The following ABCC4 variants were observed in gnomAD, a reference collection of about 807,000 sequenced individuals.
The protein encoded by ABCC4 is ATP binding cassette subfamily C member 4 (PEL blood group).
Under a neutral mutation model 168.5 loss-of-function variants are expected in ABCC4, and 102 were observed. The observed-to-expected ratio is 0.61, with a 90% confidence interval of 0.52 to 0.71. The LOEUF (loss-of-function observed/expected upper bound fraction) is 0.71, where lower values mean the gene tolerates loss of function less well. Among genes scored for constraint, ABCC4 ranks in the 30% least tolerant of loss-of-function variants. The probability of loss-of-function intolerance (pLI) is 0.00; values close to 1 mark genes in which losing one functional copy is unlikely to be tolerated. For synonymous variants in ABCC4, 617 were observed against 590.7 expected (o/e 1.04, Z -0.65); for missense variants, 1,402 against 1,605.8 (o/e 0.87, Z 2.17).
intron 1 of ABCC4, among the ~76,000 whole-genome samples, chr13:95,268,525 C>CT (rs1179040741): frequency 1.6e-5 from 1 of 62,536 alleles, no homozygotes; most frequent in Non-Finnish European, 2.8e-5. Context: ...CTGCTCGTCC[C>CT]TTGGCCCTTG....
intron 4 of ABCC4, among the ~76,000 whole-genome samples, chr13:95,232,131 G>A (rs9524853): frequency 2.7e-4 from 39 of 142,544 alleles, no homozygotes; most frequent in East Asian, 1.2e-3. Context: ...GATGATGATG[G>A]TGGTGGTGGT....
At chr13:95,221,071 G>A (rs998738511) in intron 4 of ABCC4, among the ~76,000 whole-genome samples, 3 of 152,132 alleles carry the variant, frequency 2.0e-5, no homozygotes, top group Non-Finnish European at 2.9e-5. Context: ...GACATGATGC[G>A]AAGTGAGATA....
intron 1 of ABCC4, among the ~76,000 whole-genome samples, chr13:95,300,379 G>T (rs544150850): frequency 6.6e-6 from 1 of 152,246 alleles, no homozygotes; most frequent in South Asian, 2.1e-4. Flanking sequence ...TGGAAACAGG[G>T]GAAAGAAGCT....
chr13:95,174,893 T>G lies in ABCC4; in HGVS notation c.1727+2814A>C, dbSNP rs139010239. ...TCCTGCACTCTGCATTCAGAAAGATTCAATGCTGCCATCCACGTTTTTTTT... is the reference window on the plus strand; with the variant it reads ...TCCTGCACTCTGCATTCAGAAAGATGCAATGCTGCCATCCACGTTTTTTTT... On this transcript the variant is annotated intron_variant, in intron 13 of 30. Coordinates refer to ENST00000645237, the MANE Select transcript of ABCC4 (RefSeq NM_005845.5). Among the ~76,000 whole-genome samples, 719 of 152,344 alleles carry G rather than the reference T, an allele frequency of 4.7e-3. 8 individuals are homozygous for G. Among genetic ancestry groups the G allele is most frequent in the Non-Finnish European group, 5.3e-3 (361 of 68,028 alleles).
chr13:95,128,467 G>A (rs2035857653), intron 19 of ABCC4, among the ~76,000 whole-genome samples: 1 of 152,168 alleles, frequency 6.6e-6, no homozygotes, highest in Admixed American at 6.5e-5. Context: ...GATTCTGAAT[G>A]TGTTCAGCTG....
At chr13:95,024,481 A>G (rs1244906640) in intron 30 of ABCC4, among the ~76,000 whole-genome samples, 3 of 152,210 alleles carry the variant, frequency 2.0e-5, no homozygotes, top group African/African-American at 7.2e-5. Context: ...CAGTAAAGCC[A>G]CCGTAACAGA....
In ABCC4 at chr13:95,177,767, T is replaced by C. The variant is rs753414892; in HGVS notation, c.1667A>G (p.Tyr556Cys). ...TGCACTGAGAGGATCGTCCAGGAGA[T>C]AGATGTCAGCATCTTGATACACTGC... ...ARAVYQDADI[Y>C]LLDDPLSAVD... Residue 556 changes from tyrosine (Y) to cysteine (C), a missense_variant, in exon 13 of 31, where the codon TAT becomes TGT. By Grantham distance (194) the Tyr-to-Cys change is radical. Transcript: ENST00000645237. 1.6e-5 allele frequency: 25 copies of C among 1,611,452 alleles called. No homozygotes were observed. In the African/African-American group the frequency reaches 2.0e-4, roughly 13 times the overall value.
chr13:95,277,930 G>A (rs1487683574), intron 1 of ABCC4, among the ~76,000 whole-genome samples: 1 of 152,146 alleles, frequency 6.6e-6, no homozygotes, highest in Non-Finnish European at 1.5e-5. Flanking sequence ...ACCCTGCAGG[G>A]TAATACTGCA....
At chr13:95,075,307 C>CA (rs1387273074) in intron 22 of ABCC4, 125 bp downstream of exon 22, 2 of 1,322,256 alleles carry the variant, frequency 1.5e-6, no homozygotes, top group African/African-American at 1.5e-5. Context: ...CGAAGATGCG[C>CA]AAAAAAAGCA....
At chr13:95,222,524 A>C (rs1353171837) in intron 4 of ABCC4, among the ~76,000 whole-genome samples, 3 of 152,190 alleles carry the variant, frequency 2.0e-5, no homozygotes, top group African/African-American at 7.2e-5. Context: ...GGGCCCCAGA[A>C]GGCTGTGGGG....
intron 6 of ABCC4, 145 bp downstream of exon 6, chr13:95,209,288 GC>G: frequency 4.4e-6 from 4 of 917,654 alleles, no homozygotes; most frequent in Non-Finnish European, 4.8e-6. Flanking sequence ...AAGGACAGAG[GC>G]CCCCTTGGCT....
At chr13:95,224,145 C>T (rs567922147) in intron 4 of ABCC4, among the ~76,000 whole-genome samples, 47 of 148,384 alleles carry the variant, frequency 3.2e-4, no homozygotes, top group Middle Eastern at 3.5e-3. Flanking sequence ...GTAAATTATA[C>T]CTAGGATCAT....
chr13:95,154,545 C>A (rs2139519847), intron 19 of ABCC4, among the ~76,000 whole-genome samples: 1 of 152,316 alleles, frequency 6.6e-6, no homozygotes, highest in Admixed American at 6.5e-5. Flanking sequence ...AATTTTCCAG[C>A]ATCACTACTG....
chr13:95,040,849 C>T (rs181544777), intron 29 of ABCC4, among the ~76,000 whole-genome samples: 8 of 152,262 alleles, frequency 5.3e-5, no homozygotes, highest in Admixed American at 3.3e-4. Flanking sequence ...ATAAGATTGC[C>T]TACAAAGAAA....
At position 95,301,270 on chromosome 13, in the gene ABCC4, G is replaced by GTCCTGCAGCGGGTTGGGCTTCACC; in HGVS notation, c.21_44dup (p.Glu7_Gln14dup). On this transcript the variant is annotated inframe_insertion, in exon 1 of 31. Coordinates refer to ENST00000645237, the MANE Select transcript of ABCC4 (RefSeq NM_005845.5). The stretch of plus-strand genomic sequence containing the variant: ...AGAACACGCGTGAGCAGAGGTTCGC[G>GTCCTGCAGCGGGTTGGGCTTCACC]TCCTGCAGCGGGTTGGGCTTCACCT... The GTCCTGCAGCGGGTTGGGCTTCACC allele has an allele frequency of 6.3e-7, 1 of 1,595,394 alleles. No individual in the cohort carries two copies. The highest frequency in any genetic ancestry group is 1.1e-5 in the South Asian group (1 of 88,590).
rs185401045 is a variant in ABCC4 at position 95,120,450 on chromosome 13, C to G, written c.2456-4449G>C. Among the ~76,000 whole-genome samples the G allele has an allele frequency of 2.7e-3, 407 of 151,440 alleles. 3 individuals carry two copies. Among genetic ancestry groups the G allele is most frequent in the African/African-American group, 9.2e-3 (381 of 41,224 alleles). On this transcript the variant is annotated intron_variant, in intron 19 of 30. Coordinates refer to ENST00000645237, the MANE Select transcript of ABCC4 (RefSeq NM_005845.5). ...GGCGTGGTGGTGGGCGCCTTTAATC[C>G]CAGGTACATGGGAAGCTGAGGCAGA...
At position 95,166,270 on chromosome 13, in the gene ABCC4, G is replaced by A. The variant is rs142639713; in HGVS notation, c.1922C>T (p.Pro641Leu). 2.7e-5 allele frequency: 43 copies of A among 1,614,124 alleles called. 1 individual carries two copies. The highest frequency in any genetic ancestry group is 1.1e-4 in the East Asian group (5 of 44,876). The change falls in exon 15 of 31, where the codon CCT becomes CTT. Residue 641 changes from proline to leucine, a missense_variant. Transcript: ENST00000645237. ...LKKDNEESEQ[P>L]PVPGTPTLRN... ...TAGTGTGGGAGTTCCTGGAACTGGA[G>A]GTTGTTCACTTTCCTCATTATCCTT...
At chr13:95,220,384 T>G (rs1422586734) in intron 4 of ABCC4, among the ~76,000 whole-genome samples, 2 of 152,214 alleles carry the variant, frequency 1.3e-5, no homozygotes, top group African/African-American at 4.8e-5. Context: ...TGTTGTGTAT[T>G]TATCAAAGTA....
intron 30 of ABCC4, among the ~76,000 whole-genome samples, chr13:95,028,664 G>A (rs574907083): frequency 6.6e-6 from 1 of 152,062 alleles, no homozygotes; most frequent in South Asian, 2.1e-4. Context: ...ATGCATTCAA[G>A]AAGAAGCAAC....
Sources: allele counts gnomAD v4.1 joint callset (sites outside exome capture counted in the v4.1 genomes callset), GRCh38; gene constraint gnomAD v4.1.1; transcripts MANE v1.5; gene names NCBI Gene and HGNC (gene_info 2026-07-23, HGNC 2026-07-21).